The following NRXN1 variants were observed in gnomAD, a reference collection of about 807,000 sequenced individuals.
NRXN1 encodes neurexin 1.
Under a neutral mutation model 150.9 loss-of-function variants are expected in NRXN1, and 39 were observed. The observed-to-expected ratio is 0.26, with a 90% confidence interval of 0.20 to 0.34. The LOEUF is 0.34. NRXN1 is among the 10% of genes least tolerant of loss of function. NRXN1 has a pLI of 1.00. For missense variants in NRXN1, 1,815 were observed against 1,949.9 expected (o/e 0.93, Z 1.30); for synonymous variants, 924 against 757.0 (o/e 1.22, Z -3.62).
chr2:50,393,117 A>G (rs2081840980), intron 17 of NRXN1, among the ~76,000 whole-genome samples: 1 of 151,976 alleles, frequency 6.6e-6, no homozygotes, highest in African/African-American at 2.4e-5. Context: ...TCTATTGTCC[A>G]GATGTTATCA....
At chr2:50,070,741 G>A (rs941251451) in intron 19 of NRXN1, among the ~76,000 whole-genome samples, 4 of 133,520 alleles carry the variant, frequency 3.0e-5, no homozygotes, top group Admixed American at 2.5e-4. Context: ...CTGCACTCCA[G>A]CCTGGGCGAC....
intron 10 of NRXN1, among the ~76,000 whole-genome samples, chr2:50,535,057 T>A (rs927608759): frequency 6.6e-6 from 1 of 152,160 alleles, no homozygotes; most frequent in East Asian, 1.9e-4. Context: ...TGTTGATAAA[T>A]GACAAATGAA....
intron 5 of NRXN1, among the ~76,000 whole-genome samples, chr2:50,722,769 A>G (rs1696846882): frequency 6.6e-6 from 1 of 152,214 alleles, no homozygotes. Context: ...TCAATTTGAA[A>G]TTCTTTCGAA....
chr2:50,282,094 G>A (rs559951120), intron 17 of NRXN1, among the ~76,000 whole-genome samples: 4 of 152,078 alleles, frequency 2.6e-5, no homozygotes, highest in Admixed American at 2.0e-4. Context: ...TAGTTTTATG[G>A]TCTTTGCTGT....
At chr2:50,502,668 G>T (rs2092010239) in intron 13 of NRXN1, among the ~76,000 whole-genome samples, 1 of 152,160 alleles carries the variant, frequency 6.6e-6, no homozygotes, top group African/African-American at 2.4e-5. Flanking sequence ...TGAAAGTATG[G>T]AATGGGAAAA....
At chr2:50,767,762 A>C (rs1398406891) in intron 5 of NRXN1, among the ~76,000 whole-genome samples, 1 of 152,106 alleles carries the variant, frequency 6.6e-6, no homozygotes, top group Non-Finnish European at 1.5e-5. Context: ...TTATGTTACC[A>C]ATGCATTTTA....
At chr2:50,687,723 C>A (rs1021984069) in intron 5 of NRXN1, among the ~76,000 whole-genome samples, 2 of 152,100 alleles carry the variant, frequency 1.3e-5, no homozygotes, top group African/African-American at 4.8e-5. Flanking sequence ...GATTGGGCAA[C>A]CGCGTTAGGG....
intron 17 of NRXN1, among the ~76,000 whole-genome samples, chr2:50,242,784 A>G (rs2066139437): frequency 6.6e-6 from 1 of 151,890 alleles, no homozygotes; most frequent in Middle Eastern, 3.4e-3. Context: ...GGCAGACAAC[A>G]GAATTGGCAA....
At chr2:50,195,988 C>G (rs886395122) in intron 18 of NRXN1, among the ~76,000 whole-genome samples, 1 of 151,502 alleles carries the variant, frequency 6.6e-6, no homozygotes, top group Non-Finnish European at 1.5e-5. Context: ...ATTTTAAGTT[C>G]TGGGGTACAT....
intron 17 of NRXN1, among the ~76,000 whole-genome samples, chr2:50,243,441 T>C (rs1275690434): frequency 6.6e-6 from 1 of 151,782 alleles, no homozygotes; most frequent in Non-Finnish European, 1.5e-5. Flanking sequence ...AATTAAGTTA[T>C]TAAATTTTAA....
At chr2:50,697,716 G>C (rs1431473676) in intron 5 of NRXN1, among the ~76,000 whole-genome samples, 2 of 152,070 alleles carry the variant, frequency 1.3e-5, no homozygotes, top group Non-Finnish European at 2.9e-5. Flanking sequence ...ATAATATTTA[G>C]AATATAATTC....
intron 2 of NRXN1, among the ~76,000 whole-genome samples, chr2:50,978,112 C>G (rs1055520099): frequency 1.3e-5 from 2 of 150,642 alleles, no homozygotes; most frequent in Non-Finnish European, 3.0e-5. Context: ...TATTCTTTAA[C>G]TGTTCCAAAA....
At chr2:50,799,416 G>C (rs1707281197) in intron 5 of NRXN1, among the ~76,000 whole-genome samples, 1 of 152,208 alleles carries the variant, frequency 6.6e-6, no homozygotes, top group African/African-American at 2.4e-5. Context: ...GAGAGTCAGA[G>C]TGTGTGAGAA....
At chr2:50,068,044 G>C (rs1695627756) in intron 19 of NRXN1, among the ~76,000 whole-genome samples, 1 of 152,132 alleles carries the variant, frequency 6.6e-6, no homozygotes, top group Non-Finnish European at 1.5e-5. Context: ...GTCTGATGTG[G>C]CCTATAAATG....
chr2:50,946,075 T>C (rs905034051), intron 2 of NRXN1, among the ~76,000 whole-genome samples: 8 of 151,836 alleles, frequency 5.3e-5, no homozygotes, highest in African/African-American at 1.9e-4. Context: ...GATCCAGTAA[T>C]GCTAGAATTT....
At chr2:50,563,675 T>C (rs1243792009) in intron 8 of NRXN1, among the ~76,000 whole-genome samples, 1 of 152,218 alleles carries the variant, frequency 6.6e-6, no homozygotes. Flanking sequence ...AATCTGAATG[T>C]TTGCCTCCAG....
chr2:50,689,852 A>AC (rs1553972212), intron 5 of NRXN1, among the ~76,000 whole-genome samples: 1 of 101,878 alleles, frequency 9.8e-6, no homozygotes, highest in Non-Finnish European at 2.1e-5. Context: ...TTTTTTGCTT[A>AC]TTTGTGTGTG....
At chr2:50,749,862 C>T (rs887353705) in intron 5 of NRXN1, among the ~76,000 whole-genome samples, 1 of 152,034 alleles carries the variant, frequency 6.6e-6, no homozygotes, top group African/African-American at 2.4e-5. Flanking sequence ...TGAAATGGAA[C>T]TGGAAATGGA....
At chr2:50,250,559 C>A (rs2066942503) in intron 17 of NRXN1, among the ~76,000 whole-genome samples, 1 of 151,872 alleles carries the variant, frequency 6.6e-6, no homozygotes, top group African/African-American at 2.4e-5. Context: ...TAGGACTATT[C>A]AAGGTCAGTG....
Sources: allele counts gnomAD v4.1 joint callset (sites outside exome capture counted in the v4.1 genomes callset), GRCh38; gene constraint gnomAD v4.1.1; transcripts MANE v1.5; gene names NCBI Gene and HGNC (gene_info 2026-07-23, HGNC 2026-07-21).